ARSG: variants seen among roughly 807,000 people sequenced by gnomAD.
ARSG encodes the protein ASG.
Under a neutral mutation model 50.5 loss-of-function variants are expected in ARSG, and 37 were observed. The ratio of observed to expected loss-of-function variants is 0.73; its 90% CI spans 0.56 to 0.96. The LOEUF (loss-of-function observed/expected upper bound fraction) is 0.96. Ranked by LOEUF, ARSG falls within the 50% of genes least tolerant of loss-of-function variation. The pLI is 0.00. For synonymous variants in ARSG, 225 were observed against 254.6 expected (o/e 0.88, Z 1.11); for missense variants, 629 against 675.3 (o/e 0.93, Z 0.76).
intron 3 of ARSG, 160 bp from the exon 4 acceptor site, chr17:68,346,965 G>A (rs2146305453): frequency 1.3e-6 from 2 of 1,529,550 alleles, no homozygotes; most frequent in East Asian, 5.0e-5. Flanking sequence ...CTCGGCCCCA[G>A]AGAGCAAAGC....
chr17:68,264,301 T>C (rs2075118387), intron 1 of ARSG, among the ~76,000 whole-genome samples: 1 of 152,236 alleles, frequency 6.6e-6, no homozygotes, highest in Admixed American at 6.5e-5. Context: ...TCACCAGATA[T>C]TAAGCAAAGG....
chr17:68,347,148 G>T lies in ARSG; in HGVS notation c.430G>T (p.Gly144Cys). 6.2e-7 allele frequency: 1 copy of T among 1,614,042 alleles called. No homozygotes were observed. The highest frequency in any genetic ancestry group is 2.2e-5 in the East Asian group (1 of 44,878). The change falls in exon 4 of 12, where the codon GGC (glycine) becomes TGC (cysteine). Residue 144 changes from glycine (G) to cysteine (C), a missense_variant. Coordinates refer to ENST00000621439, the MANE Select transcript of ARSG (RefSeq NM_001267727.2). ...AGGCAAATGGCATCTTGGACACCACGGCTCTTATCACCCCAACTTCCGTGG... is the reference window on the plus strand; with the variant it reads ...AGGCAAATGGCATCTTGGACACCACTGCTCTTATCACCCCAACTTCCGTGG... ...IIGKWHLGHH[G>C]SYHPNFRGFD...
intron 2 of ARSG, among the ~76,000 whole-genome samples, chr17:68,339,751 G>T (rs2078186292): frequency 1.3e-5 from 2 of 152,188 alleles, no homozygotes; most frequent in Non-Finnish European, 2.9e-5. Context: ...CTTTTGGCAA[G>T]AATCCTTGAT....
chr17:68,399,797 A>C lies in ARSG; in HGVS notation c.1213-1563A>C, dbSNP rs551043377. On this transcript the variant is annotated intron_variant, in intron 10 of 11. Coordinates refer to ENST00000621439, the MANE Select transcript of ARSG (RefSeq NM_001267727.2). This position sits in a 1 kb window ranked among gnomAD's most constrained non-coding sequence, Gnocchi z 4.6. ...CAGCAACTTCACTCCCATCTTCTGC[A>C]TGTCCGCGTGCATCGTATATCAGTT... Among the ~76,000 whole-genome samples the C allele has an allele frequency of 2.2e-4, 34 of 152,314 alleles. No homozygotes were observed. The highest frequency in any genetic ancestry group is 7.7e-4 in the African/African-American group (32 of 41,572).
intron 1 of ARSG, among the ~76,000 whole-genome samples, chr17:68,295,790 C>T (rs2076185392): frequency 1.3e-5 from 2 of 150,468 alleles, no homozygotes; most frequent in Non-Finnish European, 1.5e-5. Flanking sequence ...AGCAATTCTC[C>T]TGCCTCAGCC....
At chr17:68,428,510 G>A in the ARSG span, 1 of 237,764 alleles carries the variant, frequency 4.2e-6, no homozygotes, top group Non-Finnish European at 8.4e-6. Flanking sequence ...CGGGATTACA[G>A]GTGTGAGCCG....
Position 68,370,482 on chromosome 17 carries a change from G to A in ARSG, c.940G>A (p.Gly314Ser). The change falls in exon 8 of 12, where the codon GGC (glycine) becomes AGC (serine). Residue 314 changes from glycine (G) to serine (S), a missense_variant. Coordinates refer to ENST00000621439, the MANE Select transcript of ARSG (RefSeq NM_001267727.2). ...GTGGGCTCAGAAGTGTGAGCTAGCGGGCAGTGTGGGTCCCTTCACTGGATT... is the reference window on the plus strand; with the variant it reads ...GTGGGCTCAGAAGTGTGAGCTAGCGAGCAGTGTGGGTCCCTTCACTGGATT... Reference protein sequence around the residue: ...GPWAQKCELAGSVGPFTGFWQ... With the variant: ...GPWAQKCELASSVGPFTGFWQ... 1 of 1,614,124 alleles carries A rather than the reference G, an allele frequency of 6.2e-7. No homozygotes were observed. The highest frequency in any genetic ancestry group is 8.5e-7 in the Non-Finnish European group (1 of 1,180,012).
At chr17:68,368,890 G>A (rs1445441679) in intron 7 of ARSG, 146 bp downstream of exon 7, 2 of 937,228 alleles carry the variant, frequency 2.1e-6, no homozygotes, top group African/African-American at 1.7e-5. Context: ...AGGCTTGCTG[G>A]CCTGAATGCT....
intron 2 of ARSG, among the ~76,000 whole-genome samples, chr17:68,310,548 A>C (rs1448487466): frequency 6.6e-6 from 1 of 152,048 alleles, no homozygotes; most frequent in Admixed American, 6.6e-5. Flanking sequence ...CAAGCGTTAG[A>C]GCTTTCAGAC....
At chr17:68,261,528 T>G (rs1451316774) in intron 1 of ARSG, among the ~76,000 whole-genome samples, 5 of 152,164 alleles carry the variant, frequency 3.3e-5, no homozygotes, top group African/African-American at 1.2e-4. Flanking sequence ...TACAGGCATG[T>G]GCCACCATGC....
the ARSG span, among the ~76,000 whole-genome samples, chr17:68,443,707 T>A: frequency 1.3e-5 from 2 of 152,168 alleles, no homozygotes; most frequent in Non-Finnish European, 2.9e-5. Flanking sequence ...AAACAGCAAA[T>A]AGAAGCAGTT....
At chr17:68,335,413 G>A (rs2077970744) in intron 2 of ARSG, among the ~76,000 whole-genome samples, 1 of 152,044 alleles carries the variant, frequency 6.6e-6, no homozygotes, top group South Asian at 2.1e-4. Flanking sequence ...AATTAGCCGG[G>A]CGTAGTGGCG....
intron 1 of ARSG, among the ~76,000 whole-genome samples, chr17:68,305,018 A>T (rs782384422): frequency 2.0e-5 from 3 of 152,126 alleles, no homozygotes; most frequent in Non-Finnish European, 4.4e-5. Context: ...TACAAAAAGT[A>T]AAAAAATTAG....
intron 8 of ARSG, among the ~76,000 whole-genome samples, chr17:68,383,119 T>C (rs75338540): frequency 1.1e-3 from 161 of 152,280 alleles, no homozygotes; most frequent in Admixed American, 3.5e-3. Context: ...TTGAAACGTT[T>C]TTCTCTGAAG....
At chr17:68,412,890 C>T (rs2082095399) in intron 11 of ARSG, among the ~76,000 whole-genome samples, 1 of 152,244 alleles carries the variant, frequency 6.6e-6, no homozygotes, top group Admixed American at 6.5e-5. Flanking sequence ...ATCGCTGATA[C>T]CCTTTCTTCC....
At chr17:68,322,309 C>A (rs2077317379) in intron 2 of ARSG, among the ~76,000 whole-genome samples, 1 of 152,172 alleles carries the variant, frequency 6.6e-6, no homozygotes, top group African/African-American at 2.4e-5. Context: ...GGCAAAGGAA[C>A]TCAAAACTGC....
chr17:68,367,521 G>A lies in ARSG; in HGVS notation c.705-1027G>A, dbSNP rs1413024399. Among the ~76,000 whole-genome samples the A allele has an allele frequency of 6.6e-6, 1 of 152,162 alleles. No homozygotes were observed. The highest frequency in any genetic ancestry group is 1.5e-5 in the Non-Finnish European group (1 of 68,036). On this transcript the variant is annotated intron_variant, in intron 6 of 11. Transcript: ENST00000621439. This position sits in a 1 kb window ranked among gnomAD's most constrained non-coding sequence, Gnocchi z 4.5. ...CCATGGATGGATCTGTGGGAGAGGG[G>A]CCCCCTGAAGGTCCCTGCCACCGTT...
chr17:68,426,251 G>GGGGGGGGGGGGT, downstream of ARSG: 4 of 825,460 alleles, frequency 4.8e-6, no homozygotes, highest in South Asian at 1.3e-5. Context: ...GTGGGGAGCG[G>GGGGGGGGGGGGT]GGGCTCAAAT....
intron 1 of ARSG, among the ~76,000 whole-genome samples, chr17:68,298,410 T>C (rs1005401542): frequency 2.0e-5 from 3 of 151,390 alleles, no homozygotes; most frequent in Non-Finnish European, 4.4e-5. Flanking sequence ...TCAAGACCAG[T>C]CTGGTGAAAC....
Sources: allele counts gnomAD v4.1 joint callset (sites outside exome capture counted in the v4.1 genomes callset), GRCh38; gene constraint gnomAD v4.1.1; non-coding constraint Gnocchi (gnomAD v3.1); transcripts MANE v1.5; gene names NCBI Gene and HGNC (gene_info 2026-07-23, HGNC 2026-07-21).